The following SRRM2 variants were observed in gnomAD, a reference collection of about 807,000 sequenced individuals.
SRRM2 encodes the protein serine/arginine repetitive matrix 2, also known as serine/arginine repetitive matrix protein 2.
A neutral mutation model predicts 213.8 loss-of-function variants in SRRM2; 30 were observed. That is an observed-to-expected ratio of 0.14 (90% CI 0.10 to 0.19). The LOEUF is 0.19. Ranked by LOEUF, SRRM2 falls within the 10% of genes least tolerant of loss-of-function variation. The pLI, the probability that SRRM2 is intolerant of heterozygous loss-of-function variation, is 1.00. For missense variants in SRRM2, 4,904 were observed against 3,647.0 expected (o/e 1.34, Z -8.88); for synonymous variants, 2,025 against 1,377.7 (o/e 1.47, Z -10.40).
Position 2,771,197 on chromosome 16 carries a change from C to T in SRRM2, c.*330C>T, listed in dbSNP as rs1212947997. ...TGGCCCCACTTGTATCCAGAAGTTC[C>T]CAGGGGTGATTGTGATGGTGGTTGG... On this transcript the variant is annotated 3_prime_UTR_variant, in exon 15 of 15. Transcript: ENST00000301740. 1 of 645,316 alleles carries T rather than the reference C, an allele frequency of 1.5e-6. No homozygotes were observed. The highest frequency in any genetic ancestry group is 2.7e-6 in the Non-Finnish European group (1 of 368,386). 40.0% of individuals were successfully genotyped at this position (645,316 alleles called of 1,614,324 possible).
In SRRM2 at chr16:2,764,285, C is replaced by G. The variant is rs774976826; in HGVS notation, c.3757C>G (p.Leu1253Val). Residue 1253 changes from leucine to valine, a missense_variant, in exon 11 of 15, where the codon CTG (leucine) becomes GTG (valine). Leu to Val is a conservative substitution (Grantham distance 32, BLOSUM62 1). Coordinates refer to ENST00000301740, the MANE Select transcript of SRRM2 (RefSeq NM_016333.4). ...EKSEEPAGQILSHLSSELKEM... is the reference protein window; with the variant it reads ...EKSEEPAGQIVSHLSSELKEM... The stretch of plus-strand genomic sequence containing the variant: ...GTCTGAAGAACCCGCAGGCCAAATC[C>G]TGTCTCATTTGTCTTCAGAACTTAA... The G allele has an allele frequency of 1.1e-5, 17 of 1,613,928 alleles. No individual in the cohort carries two copies. Among genetic ancestry groups the G allele is most frequent in the Non-Finnish European group, 1.3e-5 (15 of 1,180,012 alleles).
chr16:2,763,100 C>A lies in SRRM2; in HGVS notation c.2572C>A (p.Pro858Thr). 1 of 1,614,162 alleles carries A rather than the reference C, an allele frequency of 6.2e-7. No individual in the cohort carries two copies. Residue 858 changes from proline to threonine, a missense_variant, in exon 11 of 15, where the codon CCC (proline) becomes ACC (threonine). Physicochemically the swap from Pro to Thr is conservative, Grantham distance 38. Coordinates refer to ENST00000301740, the MANE Select transcript of SRRM2 (RefSeq NM_016333.4). Reference sequence around the variant, plus strand: ...ACCGAGGCAAGGGTCCATAACAAGTCCCCAGGCCAATGAGCAATCTGTAAC... The same window carrying A: ...ACCGAGGCAAGGGTCCATAACAAGTACCCAGGCCAATGAGCAATCTGTAAC... ...TPPRQGSITS[P>T]QANEQSVTPQ...
rs374321308 is a variant in SRRM2, at chr16:2,770,959, T to C, written c.*92T>C. On this transcript the variant is annotated 3_prime_UTR_variant, in exon 15 of 15. Coordinates refer to ENST00000301740, the MANE Select transcript of SRRM2 (RefSeq NM_016333.4). ...GCAGAGCCGTGGGAGGGTCCTTGTCTGCTCTCCTTTGAACCTTGGCAGCCC... is the reference window on the plus strand; with the variant it reads ...GCAGAGCCGTGGGAGGGTCCTTGTCCGCTCTCCTTTGAACCTTGGCAGCCC... The C allele has an allele frequency of 3.2e-3, 4,889 of 1,541,392 alleles. 14 individuals are homozygous for C. The highest frequency in any genetic ancestry group is 3.9e-3 in the Non-Finnish European group (4,439 of 1,124,206).
rs577265261 is a variant in SRRM2, at chr16:2,766,349, A to G, written c.5821A>G (p.Thr1941Ala). 3.1e-6 allele frequency: 5 copies of G among 1,614,082 alleles called. No individual in the cohort carries two copies. The African/African-American group carries it at 4.0e-5, about 13-fold the overall frequency. ...CCGTCGTTCAAGGTCTAGAACGCCA[A>G]CAACACGCCGCCGCTCCCGTTCTAG... ...TRRRSRSRTPTTRRRSRSRTP... is the reference protein window; with the variant it reads ...TRRRSRSRTPATRRRSRSRTP... Residue 1941 changes from threonine to alanine, a missense_variant, in exon 11 of 15, where the codon ACA becomes GCA. Thr to Ala is a moderately conservative substitution (Grantham distance 58). Transcript: ENST00000301740. The surrounding 1 kb of genome is among the most constrained non-coding windows in gnomAD (Gnocchi z 7.0).
Position 2,762,987 on chromosome 16 carries a change from C to A in SRRM2, c.2459C>A (p.Ser820Tyr), listed in dbSNP as rs760026968. The A allele has an allele frequency of 6.2e-7, 1 of 1,614,034 alleles. No individual in the cohort carries two copies. Among genetic ancestry groups the A allele is most frequent in the East Asian group, 2.2e-5 (1 of 44,892 alleles). The change falls in exon 11 of 15, where the codon TCT becomes TAT. Residue 820 changes from serine to tyrosine, a missense_variant. Coordinates refer to ENST00000301740, the MANE Select transcript of SRRM2 (RefSeq NM_016333.4). ...CCCAGACGCAGTCGCTCCAGTTCTTCTCCGCCACCTAAACAGAAATCTAAG... is the reference window on the plus strand; with the variant it reads ...CCCAGACGCAGTCGCTCCAGTTCTTATCCGCCACCTAAACAGAAATCTAAG... ...TPPRRSRSSS[S>Y]PPPKQKSKTP...
rs780144695 is a variant in SRRM2 at position 2,757,877 on chromosome 16, C to T, written c.447C>T (p.Ser149=). Residue 149 remains serine, a synonymous_variant, in exon 4 of 15, where the codon AGC becomes AGT. Transcript: ENST00000301740. ...FGISDSYVDG[S]SFDPQRRARE... is the part of the protein sequence containing the mutation. The stretch of plus-strand genomic sequence containing the variant: ...TCAGTGATTCTTACGTAGATGGCAG[C>T]TCTTTTGATCCTCAGCGTCGTGCCC... 17 of 1,614,168 alleles carry T rather than the reference C, an allele frequency of 1.1e-5. No individual in the cohort carries two copies. The highest frequency in any genetic ancestry group is 1.3e-5 in the Non-Finnish European group (15 of 1,180,022).
Position 2,767,112 on chromosome 16 carries a change from C to T in SRRM2, c.6584C>T (p.Pro2195Leu), listed in dbSNP as rs747234477. 6.2e-6 allele frequency: 10 copies of T among 1,614,080 alleles called. No individual in the cohort carries two copies. In the East Asian group the frequency reaches 6.7e-5, roughly 11 times the overall value. The change falls in exon 11 of 15, where the codon CCT (proline) becomes CTT (leucine). Residue 2195 changes from proline to leucine, a missense_variant. Pro to Leu is a moderately conservative substitution (Grantham distance 98). Transcript: ENST00000301740. ...LTAISLGTARPPPSMSAAGLA... is the reference protein window; with the variant it reads ...LTAISLGTARLPPSMSAAGLA... The stretch of plus-strand genomic sequence containing the variant: ...GCTATCAGTCTTGGCACCGCTCGGC[C>T]TCCTCCGTCCATGTCTGCTGCTGGC...
At position 2,771,343 on chromosome 16, in the gene SRRM2, A is replaced by G. The variant is rs1441044868; in HGVS notation, c.*476A>G. On this transcript the variant is annotated 3_prime_UTR_variant, in exon 15 of 15. Transcript: ENST00000301740. ...CCAACTTTTCATGTTTCTTAAAGGC[A>G]TTTTGGTTTTTTAAAATCTGTACAG... The G allele has an allele frequency of 2.7e-6, 4 of 1,484,464 alleles. No homozygotes were observed. The highest frequency in any genetic ancestry group is 1.4e-5 in the African/African-American group (1 of 72,256). The allele number at this position is 1,484,464 out of a possible 1,614,324, so 92.0% of individuals were successfully genotyped here.
chr16:2,760,604 T>A (rs917203077), intron 10 of SRRM2, 105 bp downstream of exon 10: 6 of 1,359,972 alleles, frequency 4.4e-6, no homozygotes, highest in Non-Finnish European at 6.0e-6. Flanking sequence ...ATAAATAAAT[T>A]CAGTTTTTTT....
rs746225155 is a variant in SRRM2, at chr16:2,762,813, T to C, written c.2285T>C (p.Leu762Pro). ...ATTTCTTCAAGGCGGAGCAGGTCTCTCTCTTCACCACGGTCCAAAGCAAAA... is the reference window on the plus strand; with the variant it reads ...ATTTCTTCAAGGCGGAGCAGGTCTCCCTCTTCACCACGGTCCAAAGCAAAA... Reference protein sequence around the residue: ...SRISSRRSRSLSSPRSKAKSR... With the variant: ...SRISSRRSRSPSSPRSKAKSR... The change falls in exon 11 of 15, where the codon CTC (leucine) becomes CCC (proline). Residue 762 changes from leucine (L) to proline (P), a missense_variant. By Grantham distance (98) the Leu-to-Pro change is moderately conservative (BLOSUM62 -3). Transcript: ENST00000301740. 1 of 1,614,104 alleles carries C rather than the reference T, an allele frequency of 6.2e-7. No homozygotes were observed. The highest frequency in any genetic ancestry group is 1.1e-5 in the South Asian group (1 of 91,066).
chr16:2,766,909 T>G lies in SRRM2; in HGVS notation c.6381T>G (p.Leu2127=). ...GTCCTAGCATGTCCCCAACACCTCT[T>G]GATCGCTGCAGATCACCTGGAATGC... ...FSRPSMSPTP[L]DRCRSPGMLE... Residue 2127 remains leucine (L), a synonymous_variant, in exon 11 of 15, where the codon CTT becomes CTG. Transcript: ENST00000301740. This position sits in a 1 kb window ranked among gnomAD's most constrained non-coding sequence, Gnocchi z 7.0. The G allele has an allele frequency of 6.2e-7, 1 of 1,614,142 alleles. No individual in the cohort carries two copies.
intron 1 of SRRM2, among the ~76,000 whole-genome samples, chr16:2,756,127 C>T (rs1487085502): frequency 6.6e-6 from 1 of 152,148 alleles, no homozygotes; most frequent in Admixed American, 6.5e-5. Flanking sequence ...AAGAACTGGG[C>T]TGTGATTTGG....
intron 9 of SRRM2, chr16:2,760,067 G>T (rs2068284940): frequency 1.7e-6 from 1 of 581,964 alleles, no homozygotes; most frequent in African/African-American, 1.9e-5. Flanking sequence ...GGGATGTTTG[G>T]GGGAGGTGAG....
rs752664102 is a variant in SRRM2, at chr16:2,770,422, C to T, written c.8092C>T (p.Arg2698Cys). The T allele has an allele frequency of 8.0e-5, 129 of 1,610,838 alleles. No homozygotes were observed. The highest frequency in any genetic ancestry group is 4.9e-4 in the Middle Eastern group (3 of 6,080). Residue 2698 changes from arginine (R) to cysteine (C), a missense_variant, in exon 13 of 15, where the codon CGT becomes TGT. Transcript: ENST00000301740. The part of the protein sequence containing the change: ...SRSLSYSPVE[R>C]RRPSPQPSPR... ...GTCCCTCAGCTACTCGCCTGTGGAG[C>T]GTCGCCGTCCCTCGCCCCAGCCCTC...
chr16:2,771,378 C>T lies in SRRM2; in HGVS notation c.*511C>T. 1 of 1,606,476 alleles carries T rather than the reference C, an allele frequency of 6.2e-7. No individual in the cohort carries two copies. The highest frequency in any genetic ancestry group is 8.5e-7 in the Non-Finnish European group (1 of 1,173,732). ...TTTAAAATCTGTACAGCAAGAGCAA[C>T]TTTTTCTGTCAAATAAAAATGAGAA... On this transcript the variant is annotated 3_prime_UTR_variant, in exon 15 of 15. Coordinates refer to ENST00000301740, the MANE Select transcript of SRRM2 (RefSeq NM_016333.4).
rs3094775 is a variant in SRRM2, at chr16:2,764,161, G to A, written c.3633G>A (p.Arg1211=). ...VFKDTLRTPP[R]ERSGAGSSPE... is the part of the protein sequence containing the mutation. Reference sequence around the variant, plus strand: ...AAGACACACTTAGAACCCCGCCAAGGGAAAGAAGTGGTGCTGGGTCATCTC... The same window carrying A: ...AAGACACACTTAGAACCCCGCCAAGAGAAAGAAGTGGTGCTGGGTCATCTC... The change falls in exon 11 of 15, where the codon AGG becomes AGA. Residue 1211 remains arginine (R), a synonymous_variant. Coordinates refer to ENST00000301740, the MANE Select transcript of SRRM2 (RefSeq NM_016333.4). 0.76 allele frequency: 1,230,257 copies of A among 1,613,986 alleles called. 474,618 individuals are homozygous for A. Among genetic ancestry groups the A allele is most frequent in the Admixed American group, 0.83 (49,880 of 60,020 alleles).
chr16:2,766,476 G>A lies in SRRM2; in HGVS notation c.5948G>A (p.Arg1983Lys), dbSNP rs2068547496. ...RTSPITRRRSRSRTSPVTRRR... is the reference protein window; with the variant it reads ...RTSPITRRRSKSRTSPVTRRR... ...TCGCCTATCACTCGCAGAAGATCAA[G>A]ATCCAGAACATCTCCGGTCACCCGA... Residue 1983 changes from arginine to lysine, a missense_variant, in exon 11 of 15, where the codon AGA becomes AAA. Physicochemically the swap from Arg to Lys is conservative, Grantham distance 26. Transcript: ENST00000301740. The surrounding 1 kb of genome is among the most constrained non-coding windows in gnomAD (Gnocchi z 7.0). 6.2e-7 allele frequency: 1 copy of A among 1,614,064 alleles called. No homozygotes were observed. Among genetic ancestry groups the A allele is most frequent in the African/African-American group, 1.3e-5 (1 of 75,000 alleles).
chr16:2,755,768 C>G (rs1051918745), intron 1 of SRRM2, among the ~76,000 whole-genome samples: 2 of 152,148 alleles, frequency 1.3e-5, no homozygotes, highest in African/African-American at 4.8e-5. Context: ...GTTCAGATAC[C>G]TAGGGGCTGT....
At chr16:2,756,687 G>A (rs932266932) in intron 2 of SRRM2, 81 bp downstream of exon 2, 432 of 1,516,568 alleles carry the variant, frequency 2.8e-4, no homozygotes, top group Middle Eastern at 7.2e-4. Context: ...GGGAGCTTAG[G>A]GTGGTTGAAA....
Sources: gnomAD v4.1 joint callset for allele counts (sites outside exome capture counted in the v4.1 genomes callset) on GRCh38, gnomAD v4.1.1 for gene constraint, Gnocchi (gnomAD v3.1) non-coding constraint, MANE v1.5 for transcripts, NCBI Gene and HGNC (gene_info 2026-07-23, HGNC 2026-07-21) for gene names.